Variants in ITCH observed in about 807,000 individuals in gnomAD.
ITCH encodes E3 ubiquitin-protein ligase Itchy homolog.
In ITCH, 28 loss-of-function variants were observed where a neutral mutation model predicts 126.8. The observed-to-expected ratio is 0.22, with a 90% CI of 0.16 to 0.30. The LOEUF is 0.30. Ranked by LOEUF, ITCH falls within the 10% of genes least tolerant of loss-of-function variation. ITCH has a pLI of 1.00. For synonymous variants in ITCH, 342 were observed against 340.0 expected (o/e 1.01, Z -0.06); for missense variants, 631 against 1,032.4 (o/e 0.61, Z 5.33).
intron 23 of ITCH, 136 bp downstream of exon 23, chr20:34,492,733 T>TGTA: frequency 1.4e-6 from 1 of 695,926 alleles, no homozygotes; most frequent in East Asian, 2.7e-5. Flanking sequence ...AGCATGGATT[T>TGTA]GTATAACCTT....
chr20:34,441,099 C>T (rs1983691961), intron 9 of ITCH, among the ~76,000 whole-genome samples: 1 of 151,924 alleles, frequency 6.6e-6, no homozygotes, highest in African/African-American at 2.4e-5. Flanking sequence ...GCTGAAACCC[C>T]ATCTCTACTA....
chr20:34,506,445 G>A (rs1569015568), intron 24 of ITCH, among the ~76,000 whole-genome samples: 2 of 152,220 alleles, frequency 1.3e-5, no homozygotes, highest in Non-Finnish European at 2.9e-5. Flanking sequence ...TAGGAACTGG[G>A]CTGCACAGCA....
At chr20:34,463,101 G>A (rs527629447) in intron 14 of ITCH, among the ~76,000 whole-genome samples, 1 of 152,306 alleles carries the variant, frequency 6.6e-6, no homozygotes, top group South Asian at 2.1e-4. Context: ...AGTGGCTCAT[G>A]CCTGTAATCC....
At chr20:34,504,013 T>A (rs1483407490) in intron 23 of ITCH, among the ~76,000 whole-genome samples, 1 of 151,980 alleles carries the variant, frequency 6.6e-6, no homozygotes, top group Non-Finnish European at 1.5e-5. Context: ...CCTGAGTAGC[T>A]GGGATTACAG....
chr20:34,464,213 C>G (rs1210076462), intron 14 of ITCH, among the ~76,000 whole-genome samples: 1 of 149,814 alleles, frequency 6.7e-6, no homozygotes, highest in Non-Finnish European at 1.5e-5. Context: ...TGGTCTTGAT[C>G]TCCTGACCTC....
At chr20:34,402,918 C>T (rs917348035) in intron 3 of ITCH, among the ~76,000 whole-genome samples, 20 of 152,070 alleles carry the variant, frequency 1.3e-4, no homozygotes, top group African/African-American at 4.8e-4. Context: ...TATTATTAAT[C>T]GTAATTAAAT....
intron 20 of ITCH, among the ~76,000 whole-genome samples, chr20:34,483,382 C>T (rs1045933674): frequency 5.9e-5 from 9 of 152,154 alleles, no homozygotes; most frequent in South Asian, 2.1e-4. Flanking sequence ...TTTAACAGCA[C>T]GCAAGTCTCC....
rs775514040 is a variant in ITCH, at chr20:34,492,572, A to G, written c.2391A>G (p.Pro797=). The part of the protein sequence containing the change: ...LQFVTGTCRL[P]VGGFADLMGS... ...TTGTTACTGGAACCTGCCGATTGCCAGTAGGAGGATTTGCTGATCTCATGG... is the reference window on the plus strand; with the variant it reads ...TTGTTACTGGAACCTGCCGATTGCCGGTAGGAGGATTTGCTGATCTCATGG... Residue 797 remains proline, a synonymous_variant, in exon 23 of 25, where the codon CCA becomes CCG. Transcript: ENST00000374864. 1.2e-6 allele frequency: 2 copies of G among 1,612,436 alleles called. No individual in the cohort carries two copies.
chr20:34,382,311 T>G (rs1214567268), intron 2 of ITCH, among the ~76,000 whole-genome samples: 2 of 152,206 alleles, frequency 1.3e-5, no homozygotes, highest in African/African-American at 2.4e-5. Context: ...TAACAATGCT[T>G]TTTGGCTCCT....
intron 24 of ITCH, among the ~76,000 whole-genome samples, chr20:34,505,261 C>T (rs1418364411): frequency 6.6e-6 from 1 of 152,168 alleles, no homozygotes; most frequent in African/African-American, 2.4e-5. Context: ...TCAGGCCGGT[C>T]TCAAACTCCT....
At chr20:34,436,862 C>T (rs979411490) in intron 7 of ITCH, among the ~76,000 whole-genome samples, 4 of 152,286 alleles carry the variant, frequency 2.6e-5, no homozygotes, top group East Asian at 1.9e-4. Flanking sequence ...CGCAGTGGCT[C>T]GTGCCTGTAA....
intron 3 of ITCH, among the ~76,000 whole-genome samples, chr20:34,396,286 G>A (rs1292071096): frequency 1.3e-5 from 2 of 151,806 alleles, no homozygotes; most frequent in African/African-American, 2.4e-5. Flanking sequence ...CACCTGCCTC[G>A]GCCTACCAAT....
chr20:34,506,230 A>G (rs573086492), intron 24 of ITCH, among the ~76,000 whole-genome samples: 1 of 152,246 alleles, frequency 6.6e-6, no homozygotes, highest in Admixed American at 6.5e-5. Flanking sequence ...CACCTGGCCA[A>G]TTTCTAAACT....
At chr20:34,372,501 C>T (rs1188792303) in intron 2 of ITCH, among the ~76,000 whole-genome samples, 1 of 148,096 alleles carries the variant, frequency 6.8e-6, no homozygotes, top group Non-Finnish European at 1.5e-5. Context: ...CTGCCTCAGC[C>T]TCCTGAGTAG....
rs369817610 is a variant in ITCH, at chr20:34,420,259, C to G, written c.476-4221C>G. 3.9e-5 allele frequency among the ~76,000 whole-genome samples: 6 copies of G among 152,224 alleles called. No homozygotes were observed. In the East Asian group the frequency reaches 1.2e-3, roughly 29 times the overall value. ...ACCCCATTTCTTTCTTCTCCCAAGC[C>G]GTGATAACTGCTAATCTGCTCTCTG... On this transcript the variant is annotated intron_variant, in intron 6 of 24. Coordinates refer to ENST00000374864, the MANE Select transcript of ITCH (RefSeq NM_031483.7).
chr20:34,387,794 T>G (rs556353292), intron 2 of ITCH, among the ~76,000 whole-genome samples: 4 of 152,160 alleles, frequency 2.6e-5, no homozygotes, highest in Admixed American at 2.6e-4. Context: ...AACCTCCGCC[T>G]CCTGGGTTCA....
At chr20:34,491,721 AG>A (rs1989528698) in intron 22 of ITCH, among the ~76,000 whole-genome samples, 1 of 152,246 alleles carries the variant, frequency 6.6e-6, no homozygotes, top group Non-Finnish European at 1.5e-5. Flanking sequence ...TTTTTGGCTG[AG>A]GCAAAACAGT....
chr20:34,418,068 G>A (rs1245139588), intron 6 of ITCH, among the ~76,000 whole-genome samples: 1 of 151,144 alleles, frequency 6.6e-6, no homozygotes, highest in East Asian at 1.9e-4. Flanking sequence ...CTGGGCTCAA[G>A]TGATCCTTCC....
intron 3 of ITCH, chr20:34,402,444 A>C: frequency 1.3e-6 from 1 of 770,426 alleles, no homozygotes; most frequent in East Asian, 2.4e-5. Context: ...TTTTCAAATG[A>C]AAATGGAGAG....
Sources: allele counts gnomAD v4.1 joint callset (sites outside exome capture counted in the v4.1 genomes callset), GRCh38; gene constraint gnomAD v4.1.1; transcripts MANE v1.5; gene names NCBI Gene and HGNC (gene_info 2026-07-23, HGNC 2026-07-21).